MAPK10: variants seen among roughly 807,000 people sequenced by gnomAD.
MAPK10 encodes the protein JNK3 alpha protein kinase.
In MAPK10, 25 loss-of-function variants were observed where a neutral mutation model predicts 59.3. The ratio of observed to expected loss-of-function variants is 0.42; its 90% CI spans 0.31 to 0.59. MAPK10 has a LOEUF of 0.59. Among genes scored for constraint, MAPK10 ranks in the 20% least tolerant of loss-of-function variants. The pLI, the probability that MAPK10 is intolerant of heterozygous loss-of-function variation, is 0.15. For missense variants in MAPK10, 351 were observed against 568.9 expected (o/e 0.62, Z 3.90); for synonymous variants, 190 against 200.5 (o/e 0.95, Z 0.44).
chr4:86,170,898 C>G (rs1183055997), intron 3 of MAPK10: 1 of 151,218 alleles, frequency 6.6e-6, no homozygotes, highest in Non-Finnish European at 1.5e-5. Flanking sequence ...TGCAATCAAA[C>G]TAGAACTCAG....
At chr4:86,463,310 C>T (rs977870340) in intron 1 of MAPK10, among the ~76,000 whole-genome samples, 1 of 152,196 alleles carries the variant, frequency 6.6e-6, no homozygotes, top group African/African-American at 2.4e-5. Context: ...TTTGCATTTA[C>T]AATTCCTGCA....
chr4:86,305,276 C>T (rs1036606859), intron 2 of MAPK10, among the ~76,000 whole-genome samples: 1 of 151,840 alleles, frequency 6.6e-6, no homozygotes, highest in African/African-American at 2.4e-5. Context: ...GAAAAGACTC[C>T]CATCCATAAA....
chr4:86,049,422 CT>C (rs2148956632), intron 11 of MAPK10, among the ~76,000 whole-genome samples: 1 of 151,800 alleles, frequency 6.6e-6, no homozygotes, highest in Non-Finnish European at 1.5e-5. Flanking sequence ...AGTGGATTTT[CT>C]TAAAACAGAG....
At chr4:86,109,142 T>C (rs554801848) in intron 4 of MAPK10, among the ~76,000 whole-genome samples, 1 of 152,370 alleles carries the variant, frequency 6.6e-6, no homozygotes, top group Admixed American at 6.5e-5. Context: ...TCAACAATCC[T>C]GTTCTGACAT....
intron 3 of MAPK10, among the ~76,000 whole-genome samples, chr4:86,163,646 A>G (rs1285212623): frequency 6.6e-6 from 1 of 152,140 alleles, no homozygotes. Context: ...ATAAAATGCA[A>G]AGTTTCTGAT....
chr4:86,554,363 CTAGT>C (rs1760091275), intron 1 of MAPK10, among the ~76,000 whole-genome samples: 1 of 152,082 alleles, frequency 6.6e-6, no homozygotes, highest in Non-Finnish European at 1.5e-5. Context: ...TTTTCAAATG[CTAGT>C]TAATTTGGCT....
At chr4:86,359,331 T>TG (rs1273477390) in intron 1 of MAPK10, among the ~76,000 whole-genome samples, 2 of 145,558 alleles carry the variant, frequency 1.4e-5, no homozygotes, top group African/African-American at 5.0e-5. Context: ...TGTGTGTGTG[T>TG]TTCTCTCTCT....
chr4:86,497,018 C>T (rs1489371533), intron 1 of MAPK10, among the ~76,000 whole-genome samples: 2 of 152,162 alleles, frequency 1.3e-5, no homozygotes, highest in Non-Finnish European at 2.9e-5. Flanking sequence ...AGATTTATAA[C>T]TCATTTTCAC....
intron 1 of MAPK10, among the ~76,000 whole-genome samples, chr4:86,557,050 CT>C (rs932417234): frequency 1.3e-5 from 2 of 151,926 alleles, no homozygotes; most frequent in African/African-American, 4.8e-5. Context: ...AATCATTCAT[CT>C]TCTAACCAAA....
chr4:86,304,836 C>G (rs569464384), intron 2 of MAPK10, among the ~76,000 whole-genome samples: 14 of 152,194 alleles, frequency 9.2e-5, no homozygotes, highest in African/African-American at 3.4e-4. Flanking sequence ...TAACATGTTG[C>G]TATTCTTTTT....
chr4:86,433,648 C>T (rs899698251), intron 1 of MAPK10, among the ~76,000 whole-genome samples: 2 of 149,272 alleles, frequency 1.3e-5, no homozygotes, highest in African/African-American at 2.5e-5. Flanking sequence ...AAGTGATCCT[C>T]CCACCTCAGC....
intron 1 of MAPK10, among the ~76,000 whole-genome samples, chr4:86,407,685 A>C (rs1029578442): frequency 1.3e-5 from 2 of 152,208 alleles, no homozygotes; most frequent in Non-Finnish European, 2.9e-5. Flanking sequence ...GTAAAAAGAT[A>C]AAAATAAATT....
chr4:86,068,021 T>C lies in MAPK10; in HGVS notation c.803-66A>G, dbSNP rs867038033. Reference sequence around the variant, plus strand: ...ACTAGCCTTTCAACAATTGGGAGACTAACTCTTCTCAAAGTCCTCAACAGT... The same window carrying C: ...ACTAGCCTTTCAACAATTGGGAGACCAACTCTTCTCAAAGTCCTCAACAGT... On this transcript the variant is annotated intron_variant, in intron 9 of 13. Coordinates refer to ENST00000641462, the MANE Select transcript of MAPK10 (RefSeq NM_138982.4). The C allele has an allele frequency of 4.1e-5, 44 of 1,077,362 alleles. No homozygotes were observed. In the East Asian group the frequency reaches 1.1e-3, roughly 26 times the overall value. The allele number at this position is 1,077,362 out of a possible 1,614,324, so 66.7% of individuals were successfully genotyped here.
intron 2 of MAPK10, among the ~76,000 whole-genome samples, chr4:86,212,795 T>C (rs1349520942): frequency 6.6e-6 from 1 of 152,034 alleles, no homozygotes; most frequent in African/African-American, 2.4e-5. Flanking sequence ...GACTTCAACA[T>C]GCTATTCTAA....
chr4:86,023,582 C>T (rs1226235971), intron 13 of MAPK10, among the ~76,000 whole-genome samples: 2 of 151,856 alleles, frequency 1.3e-5, no homozygotes, highest in African/African-American at 4.8e-5. Context: ...AAATGTTTTT[C>T]CAGTTATTAG....
chr4:86,337,420 T>C (rs762101660), intron 2 of MAPK10, among the ~76,000 whole-genome samples: 2 of 152,190 alleles, frequency 1.3e-5, no homozygotes, highest in Non-Finnish European at 2.9e-5. Flanking sequence ...TATATCCACA[T>C]TTATGTGAGT....
At chr4:86,264,726 G>C (rs1429900595) in intron 2 of MAPK10, among the ~76,000 whole-genome samples, 1 of 152,150 alleles carries the variant, frequency 6.6e-6, no homozygotes, top group Admixed American at 6.5e-5. Flanking sequence ...CTGAATGGTT[G>C]AGAAAGAAAA....
At chr4:86,131,416 C>T (rs115902343) in intron 4 of MAPK10, among the ~76,000 whole-genome samples, 1,538 of 152,146 alleles carry the variant, frequency 0.01, 28 homozygotes, top group African/African-American at 0.035. Context: ...AACTGTATTT[C>T]GAGATTAATC....
rs189142903 is a variant in MAPK10 at position 86,045,619 on chromosome 4, C to T, written c.1111-14188G>A. On this transcript the variant is annotated intron_variant, in intron 11 of 13. Transcript: ENST00000641462. Reference sequence around the variant, plus strand: ...ATCTGCTAATGCTATTGCCCCACTTCCTAGTGAATGGCTTCCCTTCACCCT... The same window carrying T: ...ATCTGCTAATGCTATTGCCCCACTTTCTAGTGAATGGCTTCCCTTCACCCT... 3.4e-3 allele frequency among the ~76,000 whole-genome samples: 514 copies of T among 152,084 alleles called. 3 individuals carry two copies. Among genetic ancestry groups the T allele is most frequent in the Admixed American group, 7.1e-3 (109 of 15,258 alleles).
Sources: gnomAD v4.1 joint callset for allele counts (sites outside exome capture counted in the v4.1 genomes callset) on GRCh38, gnomAD v4.1.1 for gene constraint, MANE v1.5 for transcripts, NCBI Gene and HGNC (gene_info 2026-07-23, HGNC 2026-07-21) for gene names.